DCX: variants seen among roughly 807,000 people sequenced by gnomAD.
DCX encodes neuronal migration protein doublecortin.
DCX carries 4 observed loss-of-function variants against 20.9 expected under a neutral mutation model. The ratio of observed to expected loss-of-function variants is 0.19; its 90% CI spans 0.09 to 0.44. DCX has a LOEUF of 0.44. Ranked by LOEUF, DCX falls within the 20% of genes least tolerant of loss-of-function variation. DCX has a pLI of 0.99. For synonymous variants in DCX, 103 were observed against 111.4 expected, an observed-to-expected ratio of 0.92 and a Z score of 0.47; for missense variants, 133 against 296.9, an observed-to-expected ratio of 0.45 and a Z score of 4.06.
intron 3 of DCX, among the ~76,000 whole-genome samples, chrX:111,359,035 A>G (rs1455394600): frequency 8.9e-6 from 1 of 112,127 alleles, no homozygotes; most frequent in Admixed American, 9.5e-5. Flanking sequence ...CAAAATCTCT[A>G]TAGAACTTTA....
intron 3 of DCX, among the ~76,000 whole-genome samples, chrX:111,361,911 G>A (rs1269176457): frequency 9.0e-6 from 1 of 111,690 alleles, no homozygotes; most frequent in East Asian, 2.8e-4. Flanking sequence ...GAAAACTCTC[G>A]GTTGGTTTTC....
Position 111,410,425 on chromosome X carries a change from G to T in DCX, c.-22-5C>A, listed in dbSNP as rs1445468751. On this transcript the variant is annotated splice_region_variant and splice_polypyrimidine_tract_variant and intron_variant, in intron 1 of 6. Coordinates refer to ENST00000636035, the MANE Select transcript of DCX (RefSeq NM_001195553.2). ...TTTTGGTGGAACCTCAGAGACCTGA[G>T]CGTGGGAGAAAGGGATGGGGGTGAA... The T allele has an allele frequency of 1.7e-6, 2 of 1,209,596 alleles. No individual in the cohort carries two copies. The highest frequency in any genetic ancestry group is 2.2e-6 in the Non-Finnish European group (2 of 895,403).
At chrX:111,394,525 A>C (rs958463733) in intron 3 of DCX, among the ~76,000 whole-genome samples, 1 of 112,322 alleles carries the variant, frequency 8.9e-6, no homozygotes, top group Non-Finnish European at 1.9e-5. Context: ...GTTTTTAAAA[A>C]CTGTTTTTGG....
chrX:111,410,093 A>C lies in DCX; in HGVS notation c.306T>G (p.Arg102=), dbSNP rs772189954. The change falls in exon 2 of 7, where the codon CGT becomes CGG. Residue 102 remains arginine (R), a synonymous_variant. Transcript: ENST00000636035. ...TGGATCCATCAATGGTGTAAATGTA[A>C]CGCACTCCCTGAGGCAGGTTGATGT... ...SDNINLPQGV[R]YIYTIDGSRK... 1.7e-6 allele frequency: 2 copies of C among 1,211,699 alleles called. No homozygotes were observed. Among genetic ancestry groups the C allele is most frequent in the Non-Finnish European group, 2.2e-6 (2 of 895,469 alleles).
intron 3 of DCX, among the ~76,000 whole-genome samples, chrX:111,356,090 A>G (rs774855681): frequency 1.8e-5 from 2 of 112,326 alleles, no homozygotes; most frequent in Admixed American, 9.4e-5. Flanking sequence ...GGAAATATAA[A>G]CCAATAGTTA....
chrX:111,353,176 C>T (rs139266653), intron 3 of DCX, among the ~76,000 whole-genome samples: 3,374 of 111,329 alleles, frequency 0.03, 144 homozygotes, highest in African/African-American at 0.11. Flanking sequence ...AACAAATCTC[C>T]ATCCCTGAAT....
rs192991154 is a variant in DCX at position 111,314,209 on chromosome X, A to G, written c.947-1473T>C. On this transcript the variant is annotated intron_variant, in intron 5 of 6. Transcript: ENST00000636035. ...CACTGTCTGGCTTATATCCTCACTC[A>G]TCTCTCACCCACTCGTTGAGAAGCC... Among the ~76,000 whole-genome samples, 94 of 111,773 alleles carry G rather than the reference A, an allele frequency of 8.4e-4. 1 individual carries two copies. The highest frequency in any genetic ancestry group is 2.6e-3 in the African/African-American group (81 of 30,787).
chrX:111,357,466 A>G (rs1923825468), intron 3 of DCX, among the ~76,000 whole-genome samples: 1 of 111,767 alleles, frequency 8.9e-6, no homozygotes, highest in African/African-American at 3.3e-5. Context: ...GAGGAATTCT[A>G]CTTTTAACTG....
chrX:111,358,574 G>T (rs1388877372), intron 3 of DCX, among the ~76,000 whole-genome samples: 1 of 112,060 alleles, frequency 8.9e-6, no homozygotes, highest in African/African-American at 3.2e-5. Flanking sequence ...AACAGATTTT[G>T]AGTCAAAACA....
At chrX:111,342,538 C>G (rs1005070948) in intron 3 of DCX, among the ~76,000 whole-genome samples, 2 of 105,415 alleles carry the variant, frequency 1.9e-5, no homozygotes, top group East Asian at 6.1e-4. Context: ...ATATTCCAGA[C>G]TTTAACTCAG....
chrX:111,377,828 CTCTT>C (rs1221681193), intron 3 of DCX, among the ~76,000 whole-genome samples: 1 of 111,385 alleles, frequency 9.0e-6, no homozygotes, highest in African/African-American at 3.3e-5. Context: ...CCTTCTCCTT[CTCTT>C]TCTCTCTCTC....
chrX:111,382,041 T>C (rs988367946), intron 3 of DCX, among the ~76,000 whole-genome samples: 1 of 111,857 alleles, frequency 8.9e-6, no homozygotes, highest in Admixed American at 9.5e-5. Flanking sequence ...CAAAGATTGT[T>C]GAAACCCAGA....
intron 6 of DCX, among the ~76,000 whole-genome samples, chrX:111,305,558 C>G (rs1217074838): frequency 3.7e-5 from 4 of 109,144 alleles, no homozygotes; most frequent in Non-Finnish European, 7.6e-5. Flanking sequence ...CTCCTCATTT[C>G]TTCCCTTTCT....
chrX:111,373,785 T>C (rs1222126432), intron 3 of DCX, among the ~76,000 whole-genome samples: 1 of 111,896 alleles, frequency 8.9e-6, no homozygotes, highest in Non-Finnish European at 1.9e-5. Context: ...CATATCTTAT[T>C]ATCACAAGAA....
At chrX:111,382,404 C>T (rs964231776) in intron 3 of DCX, among the ~76,000 whole-genome samples, 5 of 112,079 alleles carry the variant, frequency 4.5e-5, no homozygotes, top group Non-Finnish European at 9.4e-5. Flanking sequence ...GATGCACAGC[C>T]ATGTTTGGGA....
At chrX:111,307,261 C>T (rs777128840) in intron 6 of DCX, among the ~76,000 whole-genome samples, 4 of 107,779 alleles carry the variant, frequency 3.7e-5, no homozygotes, top group Non-Finnish European at 7.7e-5. Context: ...CAGCAATATG[C>T]TGTACATATA....
intron 6 of DCX, among the ~76,000 whole-genome samples, chrX:111,305,667 T>C (rs1201840577): frequency 9.3e-6 from 1 of 107,108 alleles, no homozygotes; most frequent in East Asian, 2.9e-4. Context: ...GATTATACAA[T>C]ATTTTTCTTT....
chrX:111,323,435 C>A (rs1484003185), intron 5 of DCX, among the ~76,000 whole-genome samples: 2 of 110,892 alleles, frequency 1.8e-5, no homozygotes, highest in African/African-American at 6.6e-5. Context: ...AATATTACTA[C>A]CACCACTACT....
intron 2 of DCX, among the ~76,000 whole-genome samples, chrX:111,408,654 GAA>G (rs1284937931): frequency 9.6e-6 from 1 of 104,663 alleles, no homozygotes; most frequent in Non-Finnish European, 2.0e-5. Flanking sequence ...AAGAAAGAAA[GAA>G]AGAAAGAAAG....
Sources: allele counts gnomAD v4.1 joint callset (sites outside exome capture counted in the v4.1 genomes callset), GRCh38; gene constraint gnomAD v4.1.1; transcripts MANE v1.5; gene names NCBI Gene and HGNC (gene_info 2026-07-23, HGNC 2026-07-21).